The following HLF variants were observed in gnomAD, a reference collection of about 807,000 sequenced individuals.
The protein encoded by HLF is hepatic leukemia factor.
In HLF, 3 loss-of-function variants were observed where a neutral mutation model predicts 22.6. The ratio of observed to expected loss-of-function variants is 0.13; its 90% CI spans 0.06 to 0.34. The LOEUF (loss-of-function observed/expected upper bound fraction) is 0.34. Ranked by LOEUF, HLF falls within the 10% of genes least tolerant of loss-of-function variation. The probability of loss-of-function intolerance (pLI) is 1.00; values close to 1 mark genes in which losing one functional copy is unlikely to be tolerated. For synonymous variants in HLF, 151 were observed against 151.8 expected (o/e 0.99, Z 0.04); for missense variants, 299 against 389.2 (o/e 0.77, Z 1.95).
intron 3 of HLF, among the ~76,000 whole-genome samples, chr17:55,317,757 A>T (rs1905125869): frequency 6.6e-6 from 1 of 152,216 alleles, no homozygotes; most frequent in African/African-American, 2.4e-5. Context: ...CAGTTCAATG[A>T]AATGGCCCCA....
intron 2 of HLF, among the ~76,000 whole-genome samples, chr17:55,292,869 G>A (rs543414739): frequency 6.6e-6 from 1 of 152,296 alleles, no homozygotes; most frequent in South Asian, 2.1e-4. Flanking sequence ...GGTCATTTAT[G>A]TTAAGTGAAA....
At position 55,298,792 on chromosome 17, in the gene HLF, C is replaced by A. The variant is rs181544057; in HGVS notation, c.452-16435C>A. On this transcript the variant is annotated intron_variant, in intron 2 of 3. Coordinates refer to ENST00000226067, the MANE Select transcript of HLF (RefSeq NM_002126.5). Reference sequence around the variant, plus strand: ...AATCAGTGGCTGTTTGGCCATTTTTCTCCTATGTAGGACTTGAATTTATAT... The same window carrying A: ...AATCAGTGGCTGTTTGGCCATTTTTATCCTATGTAGGACTTGAATTTATAT... Among the ~76,000 whole-genome samples the A allele has an allele frequency of 8.5e-4, 129 of 152,264 alleles. 1 individual carries two copies. Among genetic ancestry groups the A allele is most frequent in the Non-Finnish European group, 1.6e-3 (109 of 68,016 alleles).
intron 2 of HLF, among the ~76,000 whole-genome samples, chr17:55,295,408 A>T (rs2081102624): frequency 6.6e-6 from 1 of 152,220 alleles, no homozygotes; most frequent in Admixed American, 6.5e-5. Context: ...AGAGGGGAAA[A>T]AAACAGAAAA....
At chr17:55,265,703 C>A in intron 1 of HLF, 104 bp downstream of exon 1, 1 of 1,091,398 alleles carries the variant, frequency 9.2e-7, no homozygotes, top group Admixed American at 3.6e-5. Context: ...CGCTCCCGCC[C>A]TGTCCCGCGG....
intron 2 of HLF, among the ~76,000 whole-genome samples, chr17:55,270,483 T>G (rs2145295182): frequency 6.6e-6 from 1 of 152,332 alleles, no homozygotes; most frequent in African/African-American, 2.4e-5. Context: ...AGTTCTTGAT[T>G]ATTCTGTGTG....
At chr17:55,281,496 A>C (rs1252410994) in intron 2 of HLF, among the ~76,000 whole-genome samples, 1 of 152,200 alleles carries the variant, frequency 6.6e-6, no homozygotes, top group East Asian at 1.9e-4. Flanking sequence ...CTGGGCAACA[A>C]GAGCAAAACT....
chr17:55,267,809 G>A lies in HLF; in HGVS notation c.174G>A (p.Thr58=), dbSNP rs143697299. ...KKLDDESNSP[T]VPQSAFLGPT... ...TGGATGATGAGAGTAACAGCCCGAC[G>A]GTCCCCCAGTCGGCATTCCTGGGGC... Residue 58 remains threonine, a synonymous_variant, in exon 2 of 4, where the codon ACG becomes ACA. Transcript: ENST00000226067. The A allele has an allele frequency of 3.2e-5, 52 of 1,610,746 alleles. No homozygotes were observed. In the African/African-American group the frequency reaches 4.7e-4, roughly 14 times the overall value.
intron 2 of HLF, among the ~76,000 whole-genome samples, chr17:55,300,304 C>G (rs563907026): frequency 6.8e-4 from 104 of 152,318 alleles, no homozygotes; most frequent in African/African-American, 2.4e-3. Flanking sequence ...TCCTAAGTAC[C>G]TTTTACAGAG....
At chr17:55,293,431 A>C (rs946807895) in intron 2 of HLF, among the ~76,000 whole-genome samples, 11 of 152,170 alleles carry the variant, frequency 7.2e-5, no homozygotes, top group African/African-American at 2.4e-4. Flanking sequence ...CCGGGCAGTC[A>C]GCTAAGCACC....
intron 2 of HLF, among the ~76,000 whole-genome samples, chr17:55,298,198 G>A (rs1317475665): frequency 9.2e-5 from 14 of 152,270 alleles, no homozygotes. Context: ...GGGGATTTAT[G>A]TGGGGAACTA....
intron 2 of HLF, among the ~76,000 whole-genome samples, chr17:55,297,027 A>C (rs571074757): frequency 1.3e-5 from 2 of 152,196 alleles, no homozygotes; most frequent in Non-Finnish European, 2.9e-5. Flanking sequence ...CGCAGCTCCC[A>C]CTGATGATGC....
intron 2 of HLF, among the ~76,000 whole-genome samples, chr17:55,301,178 G>C (rs184700891): frequency 5.4e-4 from 83 of 152,342 alleles, no homozygotes; most frequent in South Asian, 2.1e-4. Flanking sequence ...ACTCCAACCT[G>C]TGACTCCCTG....
intron 2 of HLF, 64 bp from the exon 3 acceptor site, chr17:55,315,163 T>C (rs1030652325): frequency 1.6e-6 from 2 of 1,234,468 alleles, no homozygotes; most frequent in African/African-American, 3.0e-5. Flanking sequence ...CAGAGCACCA[T>C]TAAGTAGCTG....
At chr17:55,277,716 GA>G (rs1403588566) in intron 2 of HLF, among the ~76,000 whole-genome samples, 2 of 152,160 alleles carry the variant, frequency 1.3e-5, no homozygotes, top group Non-Finnish European at 2.9e-5. Flanking sequence ...CAAGATTTCA[GA>G]AGGCTGAAAG....
At chr17:55,294,689 A>G (rs1282967523) in intron 2 of HLF, among the ~76,000 whole-genome samples, 1 of 152,168 alleles carries the variant, frequency 6.6e-6, no homozygotes, top group Admixed American at 6.5e-5. Flanking sequence ...TACTCAAGGA[A>G]TGTTACGGCT....
At position 55,322,552 on chromosome 17, in the gene HLF, TTTTATGA is replaced by T; in HGVS notation, c.*1674_*1680del. The T allele has an allele frequency of 4.6e-6, 1 of 215,606 alleles. No homozygotes were observed. Among genetic ancestry groups the T allele is most frequent in the Non-Finnish European group, 9.4e-6 (1 of 106,528 alleles). The allele number at this position is 215,606 out of a possible 1,614,324, so 13.4% of individuals were successfully genotyped here. On this transcript the variant is annotated 3_prime_UTR_variant, in exon 4 of 4. Coordinates refer to ENST00000226067, the MANE Select transcript of HLF (RefSeq NM_002126.5). The stretch of plus-strand genomic sequence containing the variant: ...GCATGTTTTCTGCTTTAAATTAAAA[TTTTATGA>T]CAGTATCGAGGCTTGTGATGACGAA...
In HLF at chr17:55,320,116, A is replaced by G. The variant is rs1905214832; in HGVS notation, c.673-548A>G. The stretch of plus-strand genomic sequence containing the variant: ...TTCCTCATTTTTTCTACTGCACATA[A>G]TGCTGCAGTGAACAGTTTATGCTTG... On this transcript the variant is annotated intron_variant, in intron 3 of 3. Transcript: ENST00000226067. The surrounding 1 kb of genome is among the most constrained non-coding windows in gnomAD (Gnocchi z 4.2). Among the ~76,000 whole-genome samples, 1 of 152,146 alleles carries G rather than the reference A, an allele frequency of 6.6e-6. No homozygotes were observed. Among genetic ancestry groups the G allele is most frequent in the South Asian group, 2.1e-4 (1 of 4,816 alleles).
chr17:55,309,392 G>A (rs905613890), intron 2 of HLF, among the ~76,000 whole-genome samples: 1 of 152,192 alleles, frequency 6.6e-6, no homozygotes, highest in African/African-American at 2.4e-5. Flanking sequence ...CTCCCTGAAT[G>A]TAAAAGGATT....
intron 2 of HLF, among the ~76,000 whole-genome samples, chr17:55,280,699 T>C (rs1268087169): frequency 6.6e-6 from 1 of 152,120 alleles, no homozygotes; most frequent in Admixed American, 6.5e-5. Flanking sequence ...GGCAGGATAA[T>C]GGGTTTTCAA....
Sources: gnomAD v4.1 joint callset for allele counts (sites outside exome capture counted in the v4.1 genomes callset) on GRCh38, gnomAD v4.1.1 for gene constraint, Gnocchi (gnomAD v3.1) non-coding constraint, MANE v1.5 for transcripts, NCBI Gene and HGNC (gene_info 2026-07-23, HGNC 2026-07-21) for gene names.